PIK3C2G: variants seen among roughly 807,000 people sequenced by gnomAD.
The protein encoded by PIK3C2G is phosphatidylinositol-4-phosphate 3-kinase catalytic subunit type 2 gamma.
In PIK3C2G, 168 loss-of-function variants were observed where a neutral mutation model predicts 181.1. The observed-to-expected ratio is 0.93, with a 90% confidence interval of 0.82 to 1.05. PIK3C2G has a LOEUF of 1.05. Ranked by LOEUF, PIK3C2G falls within the 50% of genes least tolerant of loss-of-function variation. PIK3C2G has a pLI of 0.00. For missense variants in PIK3C2G, 1,869 were observed against 1,732.8 expected (o/e 1.08, Z -1.40); for synonymous variants, 573 against 592.2 (o/e 0.97, Z 0.47).
chr12:18,688,331 C>T, the PIK3C2G span: 2 of 1,102,900 alleles, frequency 1.8e-6, no homozygotes, highest in Non-Finnish European at 2.6e-6. Context: ...AGTCAGCTCC[C>T]ACAAACATTG....
At chr12:18,693,532 C>T in the PIK3C2G span, 3 of 1,611,650 alleles carry the variant, frequency 1.9e-6, no homozygotes, top group Non-Finnish European at 1.7e-6. Flanking sequence ...GAGTGGTTGG[C>T]TCTGAACTTA....
rs543526874 is a variant in PIK3C2G at position 18,344,667 on chromosome 12, T to C, written c.1429+1307T>C. 2.2e-4 allele frequency among the ~76,000 whole-genome samples: 34 copies of C among 152,276 alleles called. 1 individual carries two copies. In the South Asian group the frequency reaches 6.8e-3, roughly 31 times the overall value. On this transcript the variant is annotated intron_variant, in intron 10 of 32. Transcript: ENST00000538779. ...CCACAAAACTGTACAGAAATGTTCC[T>C]GGAGACTTATATTCTATAATAAATC...
chr12:18,696,348 A>ATATATC, the PIK3C2G span: 38 of 214,322 alleles, frequency 1.8e-4, no homozygotes, highest in Non-Finnish European at 2.6e-4. Context: ...ATATATATAT[A>ATATATC]TATCATATAA....
At chr12:18,482,919 T>C (rs989940769) in intron 18 of PIK3C2G, among the ~76,000 whole-genome samples, 1 of 152,222 alleles carries the variant, frequency 6.6e-6, no homozygotes, top group East Asian at 1.9e-4. Flanking sequence ...CATTTCCTGA[T>C]AACCCTTGAA....
chr12:18,567,004 G>A lies in PIK3C2G; in HGVS notation c.3958G>A (p.Asp1320Asn). 6.3e-7 allele frequency: 1 copy of A among 1,595,108 alleles called. No individual in the cohort carries two copies. Among genetic ancestry groups the A allele is most frequent in the Non-Finnish European group, 8.6e-7 (1 of 1,163,582 alleles). ...AAATTCAGATCACAGAAGATTCAGA[G>A]ATCTAAATCATTACATGGAACAGAT... ...FTNSDHRRFR[D>N]LNHYMEQILN... The change falls in exon 29 of 33, where the codon GAT (aspartate) becomes AAT (asparagine). Residue 1320 changes from aspartate (D) to asparagine (N), a missense_variant. Physicochemically the swap from Asp to Asn is conservative, Grantham distance 23. Coordinates refer to ENST00000538779, the MANE Select transcript of PIK3C2G (RefSeq NM_001288772.2).
chr12:18,515,259 A>C (rs1245387738), intron 24 of PIK3C2G, among the ~76,000 whole-genome samples: 1 of 151,878 alleles, frequency 6.6e-6, no homozygotes, highest in African/African-American at 2.4e-5. Context: ...GTTTGGAATG[A>C]TTCTCCGCTT....
intron 20 of PIK3C2G, 99 bp downstream of exon 20, chr12:18,491,657 C>A (rs1592395024): frequency 1.5e-6 from 1 of 654,714 alleles, no homozygotes; most frequent in Non-Finnish European, 2.7e-6. Context: ...CGTAAGTTGA[C>A]ACTGCAATTA....
intron 16 of PIK3C2G, among the ~76,000 whole-genome samples, chr12:18,406,304 A>G (rs1031801529): frequency 6.6e-6 from 1 of 152,142 alleles, no homozygotes; most frequent in Non-Finnish European, 1.5e-5. Context: ...GGTTGCTTCT[A>G]TATCTTGGCT....
At chr12:18,335,469 G>T (rs1938443665) in intron 8 of PIK3C2G, among the ~76,000 whole-genome samples, 2 of 152,118 alleles carry the variant, frequency 1.3e-5, no homozygotes, top group South Asian at 2.1e-4. Flanking sequence ...GTGTGTGTGT[G>T]TGTGTATGTA....
At chr12:18,331,234 C>A (rs1456349925) in intron 8 of PIK3C2G, among the ~76,000 whole-genome samples, 1 of 151,936 alleles carries the variant, frequency 6.6e-6, no homozygotes, top group African/African-American at 2.4e-5. Flanking sequence ...GCTACGATTG[C>A]GTTGAATATA....
chr12:18,615,058 C>CA lies in PIK3C2G; in HGVS notation c.4182+5431dup, dbSNP rs35067680. 6.9e-3 allele frequency among the ~76,000 whole-genome samples: 1,047 copies of CA among 152,032 alleles called. 7 individuals are homozygous for CA. The highest frequency in any genetic ancestry group is 9.1e-3 in the African/African-American group (379 of 41,500). Reference sequence around the variant, plus strand: ...AGTGGTGATTTCTGAGATTTTGGTGCAATTCGTCACCCAAGCAGTGTACAC... The same window carrying CA: ...AGTGGTGATTTCTGAGATTTTGGTGCAAATTCGTCACCCAAGCAGTGTACAC... On this transcript the variant is annotated intron_variant, in intron 31 of 32. Coordinates refer to ENST00000538779, the MANE Select transcript of PIK3C2G (RefSeq NM_001288772.2).
chr12:18,331,035 C>T (rs1468188583), intron 8 of PIK3C2G, among the ~76,000 whole-genome samples: 5 of 152,022 alleles, frequency 3.3e-5, no homozygotes, highest in Non-Finnish European at 5.9e-5. Context: ...TTCTTTAGTT[C>T]TATGATCCAT....
intron 29 of PIK3C2G, among the ~76,000 whole-genome samples, chr12:18,578,906 ATC>A (rs1946357666): frequency 6.6e-6 from 1 of 152,226 alleles, no homozygotes. Context: ...AATAATCTGC[ATC>A]TCTGATTCTA....
chr12:18,475,408 AC>A (rs1035169885), intron 18 of PIK3C2G, among the ~76,000 whole-genome samples: 5 of 148,738 alleles, frequency 3.4e-5, no homozygotes, highest in African/African-American at 1.2e-4. Flanking sequence ...ACACACACAC[AC>A]CATTTTTTTC....
chr12:18,385,769 A>C (rs7974144), intron 14 of PIK3C2G, among the ~76,000 whole-genome samples: 1 of 151,988 alleles, frequency 6.6e-6, no homozygotes, highest in South Asian at 2.1e-4. Flanking sequence ...TTTCACCATG[A>C]TGGCCAAGTT....
intron 18 of PIK3C2G, among the ~76,000 whole-genome samples, chr12:18,472,699 T>C (rs1938571150): frequency 6.6e-6 from 1 of 152,096 alleles, no homozygotes; most frequent in Non-Finnish European, 1.5e-5. Context: ...TATTCCAATA[T>C]TTTTATTATT....
intron 8 of PIK3C2G, 125 bp from the exon 9 acceptor site, chr12:18,338,301 T>C (rs1039230192): frequency 8.3e-6 from 6 of 720,706 alleles, no homozygotes; most frequent in African/African-American, 1.8e-5. Context: ...TTTCTTTTTG[T>C]GTGAAAGCAA....
intron 26 of PIK3C2G, among the ~76,000 whole-genome samples, chr12:18,559,819 TATAGAGAG>T (rs1441733704): frequency 2.0e-4 from 4 of 19,934 alleles, no homozygotes; most frequent in South Asian, 2.9e-3. Flanking sequence ...TATATATATA[TATAGAGAG>T]AGAGAGAGAG....
intron 19 of PIK3C2G, among the ~76,000 whole-genome samples, chr12:18,490,416 CA>C (rs929044843): frequency 5.3e-5 from 8 of 152,002 alleles, no homozygotes; most frequent in Admixed American, 3.9e-4. Flanking sequence ...TTAAAATGCA[CA>C]AAAAAATTTT....
Sources: allele counts gnomAD v4.1 joint callset (sites outside exome capture counted in the v4.1 genomes callset), GRCh38; gene constraint gnomAD v4.1.1; transcripts MANE v1.5; gene names NCBI Gene and HGNC (gene_info 2026-07-23, HGNC 2026-07-21).